The following ANK3 variants were observed in gnomAD, a reference collection of about 807,000 sequenced individuals.
The protein encoded by ANK3 is ankyrin-3.
A neutral mutation model predicts 370.9 loss-of-function variants in ANK3; 57 were observed. That is an observed-to-expected ratio of 0.15 (90% CI 0.12 to 0.19). The LOEUF (loss-of-function observed/expected upper bound fraction) is 0.19, where lower values mean the gene tolerates loss of function less well. ANK3 is among the 10% of genes least tolerant of loss of function. The pLI, the probability that ANK3 is intolerant of heterozygous loss-of-function variation, is 1.00. For synonymous variants in ANK3, 1,929 were observed against 1,946.3 expected (o/e 0.99, Z 0.23); for missense variants, 4,439 against 5,302.1 (o/e 0.84, Z 5.06).
chr10:60,212,560 T>G (rs1403681196), intron 9 of ANK3, among the ~76,000 whole-genome samples: 1 of 152,152 alleles, frequency 6.6e-6, no homozygotes, highest in Non-Finnish European at 1.5e-5. Context: ...TGTTAGACAA[T>G]ACCCTCAACA....
intron 1 of ANK3, among the ~76,000 whole-genome samples, chr10:60,301,171 C>T (rs376398733): frequency 6.9e-6 from 1 of 145,012 alleles, no homozygotes; most frequent in Non-Finnish European, 1.5e-5. Flanking sequence ...TATATATATA[C>T]ACACTATATA....
intron 1 of ANK3, among the ~76,000 whole-genome samples, chr10:60,620,745 T>C (rs559494992): frequency 1.3e-5 from 2 of 152,340 alleles, no homozygotes; most frequent in South Asian, 4.1e-4. Context: ...TTTTTGTATT[T>C]AGCAATAACG....
Position 60,539,872 on chromosome 10 carries a change from C to T in ANK3, c.96+75314G>A, listed in dbSNP as rs182986214. Among the ~76,000 whole-genome samples, 207 of 151,914 alleles carry T rather than the reference C, an allele frequency of 1.4e-3. 1 individual carries two copies. The highest frequency in any genetic ancestry group is 4.5e-3 in the African/African-American group (186 of 41,474). ...ATTATGGCAATGAATATGATAGATA[C>T]GTTTTCTTATACCACGAAGCTAATA... On this transcript the variant is annotated intron_variant, in intron 2 of 43. Coordinates refer to the ANK3 transcript ENST00000373827.
chr10:60,373,697 G>C (rs2060394983), intron 1 of ANK3, among the ~76,000 whole-genome samples: 1 of 152,200 alleles, frequency 6.6e-6, no homozygotes, highest in Non-Finnish European at 1.5e-5. Flanking sequence ...GATGGTTTTA[G>C]AGACAGGTGG....
rs537452472 is a variant in ANK3, at chr10:60,293,748, T to C, written c.115-14109A>G. 3.3e-4 allele frequency among the ~76,000 whole-genome samples: 51 copies of C among 152,340 alleles called. 1 individual carries two copies. The highest frequency in any genetic ancestry group is 1.2e-3 in the African/African-American group (50 of 41,580). On this transcript the variant is annotated intron_variant, in intron 1 of 43. Coordinates refer to ENST00000280772, the MANE Select transcript of ANK3 (RefSeq NM_020987.5). ...ATCTGGCAGTCTGCGGAGATCCTTG[T>C]TTATAAAACAAATTCCAATTTTTTG...
rs148839287 is a variant in ANK3, at chr10:60,159,074, T to C, written c.2614+7517A>G. ...GAAAACAAATAACAAAATGGCATAGTAAGTTCTTACCTAGCAATGATAATG... is the reference window on the plus strand; with the variant it reads ...GAAAACAAATAACAAAATGGCATAGCAAGTTCTTACCTAGCAATGATAATG... On this transcript the variant is annotated intron_variant, in intron 23 of 43. Transcript: ENST00000280772. Among the ~76,000 whole-genome samples, 914 of 152,272 alleles carry C rather than the reference T, an allele frequency of 6.0e-3. 13 individuals carry two copies. Among genetic ancestry groups the C allele is most frequent in the Non-Finnish European group, 8.3e-3 (564 of 68,028 alleles).
chr10:60,564,348 C>T (rs2077409395), intron 2 of ANK3, among the ~76,000 whole-genome samples: 1 of 152,192 alleles, frequency 6.6e-6, no homozygotes, highest in African/African-American at 2.4e-5. Context: ...TGACCATGCT[C>T]AGTACACCAT....
At chr10:60,548,612 A>T (rs1238002950) in intron 2 of ANK3, among the ~76,000 whole-genome samples, 1 of 152,130 alleles carries the variant, frequency 6.6e-6, no homozygotes, top group Non-Finnish European at 1.5e-5. Context: ...ATTTATTAAC[A>T]TTCCTCACTT....
intron 4 of ANK3, among the ~76,000 whole-genome samples, chr10:60,275,087 G>T (rs549979062): frequency 6.6e-6 from 1 of 152,250 alleles, no homozygotes; most frequent in East Asian, 1.9e-4. Flanking sequence ...GTACACCACT[G>T]TTTTTATAAC....
chr10:60,612,684 G>A (rs554825083), intron 2 of ANK3, among the ~76,000 whole-genome samples: 56 of 152,176 alleles, frequency 3.7e-4, no homozygotes, highest in African/African-American at 1.3e-3. Flanking sequence ...GTAGAGATGG[G>A]GTTTCACCGT....
intron 1 of ANK3, among the ~76,000 whole-genome samples, chr10:60,301,289 TAC>T (rs1227552539): frequency 2.7e-5 from 4 of 148,262 alleles, no homozygotes; most frequent in Admixed American, 6.8e-5. Context: ...CGCACACATA[TAC>T]ACACACATAC....
chr10:60,663,090 C>G (rs967991477), intron 1 of ANK3, among the ~76,000 whole-genome samples: 1 of 152,112 alleles, frequency 6.6e-6, no homozygotes, highest in African/African-American at 2.4e-5. Context: ...AATCAGTCCC[C>G]CAAAATGAGC....
Position 60,388,624 on chromosome 10 carries a change from A to G in ANK3, c.114+801T>C, listed in dbSNP as rs545560923. Among the ~76,000 whole-genome samples the G allele has an allele frequency of 2.6e-5, 4 of 152,276 alleles. No homozygotes were observed. The East Asian group carries it at 7.7e-4, about 29-fold the overall frequency. On this transcript the variant is annotated intron_variant, in intron 1 of 43. Transcript: ENST00000280772. Reference sequence around the variant, plus strand: ...AGGGCACTCTAAGTACTCACGGGCTATAATAAATCACCACTGACCCAGAAT... The same window carrying G: ...AGGGCACTCTAAGTACTCACGGGCTGTAATAAATCACCACTGACCCAGAAT...
intron 2 of ANK3, among the ~76,000 whole-genome samples, chr10:60,601,437 G>A (rs2078062915): frequency 6.6e-6 from 1 of 152,074 alleles, no homozygotes; most frequent in African/African-American, 2.4e-5. Context: ...GATAAGAATG[G>A]TACTTCAACT....
intron 1 of ANK3, among the ~76,000 whole-genome samples, chr10:60,319,279 G>T (rs1353979532): frequency 6.6e-6 from 1 of 152,046 alleles, no homozygotes; most frequent in African/African-American, 2.4e-5. Flanking sequence ...AAGGTACTCT[G>T]GGCAGGTTTA....
At chr10:60,113,538 A>G (rs2092864504) in intron 26 of ANK3, among the ~76,000 whole-genome samples, 1 of 152,152 alleles carries the variant, frequency 6.6e-6, no homozygotes, top group Non-Finnish European at 1.5e-5. Context: ...GCGAGACTTC[A>G]TCTCTATGAA....
chr10:60,470,721 C>G (rs1366577404), intron 2 of ANK3, among the ~76,000 whole-genome samples: 1 of 151,862 alleles, frequency 6.6e-6, no homozygotes, highest in East Asian at 1.9e-4. Context: ...AAGAACCACA[C>G]AGACCAATAG....
rs1287731685 is a variant in ANK3 at position 60,073,030 on chromosome 10, A to G, written c.7851T>C (p.Asn2617=). The G allele has an allele frequency of 1.2e-6, 2 of 1,614,082 alleles. No individual in the cohort carries two copies. Among genetic ancestry groups the G allele is most frequent in the African/African-American group, 2.7e-5 (2 of 75,024 alleles). Residue 2617 remains asparagine, a synonymous_variant, in exon 37 of 44, where the codon AAT becomes AAC. Coordinates refer to ENST00000280772, the MANE Select transcript of ANK3 (RefSeq NM_020987.5). ...GGCTTTGAGAAGAATATTCTTTGCC[A>G]TTTTTAGGGCGTGCCTTTTTCTCTG... is the stretch of plus-strand genomic sequence containing the variant. ...QSPEKKARPK[N]GKEYSSQSPT...
chr10:60,632,147 C>T (rs1452281299), intron 1 of ANK3, among the ~76,000 whole-genome samples: 1 of 147,432 alleles, frequency 6.8e-6, no homozygotes, highest in Non-Finnish European at 1.5e-5. Context: ...ATCAGACATT[C>T]AGCTCAGATA....
Sources: gnomAD v4.1 joint callset for allele counts (sites outside exome capture counted in the v4.1 genomes callset) on GRCh38, gnomAD v4.1.1 for gene constraint, MANE v1.5 for transcripts, NCBI Gene and HGNC (gene_info 2026-07-23, HGNC 2026-07-21) for gene names.